The following PCGF5 variants were observed in gnomAD, a reference collection of about 807,000 sequenced individuals.
PCGF5 encodes the protein polycomb group RING finger protein 5.
In PCGF5, 9 loss-of-function variants were observed where a neutral mutation model predicts 44.3. The ratio of observed to expected loss-of-function variants is 0.20; its 90% CI spans 0.12 to 0.35. The LOEUF is 0.35. Ranked by LOEUF, PCGF5 falls within the 10% of genes least tolerant of loss-of-function variation. PCGF5 has a pLI of 1.00. For missense variants in PCGF5, 146 were observed against 305.3 expected (o/e 0.48, Z 3.89); for synonymous variants, 95 against 102.5 (o/e 0.93, Z 0.44).
intron 1 of PCGF5, among the ~76,000 whole-genome samples, chr10:91,200,815 A>G (rs916229522): frequency 2.6e-5 from 4 of 152,124 alleles, no homozygotes; most frequent in African/African-American, 9.7e-5. Context: ...TATAGAACCC[A>G]ATTCATAAGG....
rs1205608777 is a variant in PCGF5, at chr10:91,280,969, C to G, written c.*2653C>G. 3 of 152,252 alleles carry G rather than the reference C, an allele frequency of 2.0e-5. No homozygotes were observed. The highest frequency in any genetic ancestry group is 2.1e-4 in the South Asian group (1 of 4,822). 9.4% of individuals were successfully genotyped at this position (152,252 alleles called of 1,614,324 possible). A position where few individuals can be genotyped will look rare whatever the true frequency, so the allele number is the denominator to read the frequency against. ...TTTCTTAAGCAATAAACTGAAAGAC[C>G]TTTACTTCCATAAAAGATTTTGTTA... On this transcript the variant is annotated 3_prime_UTR_variant, in exon 10 of 10. Transcript: ENST00000336126.
At chr10:91,218,148 T>C (rs2133265055), upstream of PCGF5, among the ~76,000 whole-genome samples, 1 of 152,310 alleles carries the variant, frequency 6.6e-6, no homozygotes, top group East Asian at 1.9e-4. Context: ...TCTCAAGAGG[T>C]ATTAAAGAAA....
At position 91,281,936 on chromosome 10, in the gene PCGF5, T is replaced by C. The variant is rs964079857; in HGVS notation, c.*3620T>C. On this transcript the variant is annotated 3_prime_UTR_variant, in exon 10 of 10. Coordinates refer to ENST00000336126, the MANE Select transcript of PCGF5 (RefSeq NM_032373.5). ...CTGCATGAAAAGTGAGAGAAATACA[T>C]ACTTTGAAAAGAAAGTTCAGATTTT... 1 of 152,212 alleles carries C rather than the reference T, an allele frequency of 6.6e-6. No homozygotes were observed. Among genetic ancestry groups the C allele is most frequent in the Non-Finnish European group, 1.5e-5 (1 of 68,028 alleles). The allele number at this position is 152,212 out of a possible 1,614,324, so 9.4% of individuals were successfully genotyped here.
chr10:91,265,323 T>C (rs1041797262), intron 8 of PCGF5, among the ~76,000 whole-genome samples: 1 of 152,156 alleles, frequency 6.6e-6, no homozygotes, highest in African/African-American at 2.4e-5. Flanking sequence ...CTAAGGAATA[T>C]AGCAGTAATG....
chr10:91,272,261 G>A (rs961498863), intron 9 of PCGF5, among the ~76,000 whole-genome samples: 1 of 152,206 alleles, frequency 6.6e-6, no homozygotes, highest in African/African-American at 2.4e-5. Context: ...TTGGGAAACA[G>A]ACAAGGGTAT....
chr10:91,189,297 T>C (rs549937264), intron 1 of PCGF5, among the ~76,000 whole-genome samples: 20 of 152,322 alleles, frequency 1.3e-4, no homozygotes, highest in African/African-American at 4.6e-4. Context: ...TCCCCATTTT[T>C]CCATGCCATG....
chr10:91,171,848 C>T (rs549710256), intron 1 of PCGF5, among the ~76,000 whole-genome samples: 10 of 152,154 alleles, frequency 6.6e-5, no homozygotes, highest in South Asian at 6.2e-4. Flanking sequence ...GGTAGAAGAT[C>T]ATTGGTCTTC....
At chr10:91,220,565 T>A (rs977330908), upstream of PCGF5, 2 of 147,732 alleles carry the variant, frequency 1.4e-5, no homozygotes, top group African/African-American at 5.0e-5. Flanking sequence ...GGCGGGGGCG[T>A]GGCCGGGCGG....
At chr10:91,233,027 A>G (rs189199762) in intron 2 of PCGF5, among the ~76,000 whole-genome samples, 124 of 152,248 alleles carry the variant, frequency 8.1e-4, no homozygotes, top group Admixed American at 1.3e-3. Context: ...AGTTAGATAG[A>G]GTTAGCCAGG....
chr10:91,169,355 C>A (rs1010078290), intron 1 of PCGF5, among the ~76,000 whole-genome samples: 2 of 152,056 alleles, frequency 1.3e-5, no homozygotes, highest in African/African-American at 4.8e-5. Context: ...TTGAAGATGA[C>A]ATGATTGTTT....
chr10:91,169,762 A>G (rs1843570625), intron 1 of PCGF5, among the ~76,000 whole-genome samples: 1 of 152,228 alleles, frequency 6.6e-6, no homozygotes, highest in African/African-American at 2.4e-5. Context: ...TTTTGTAGAT[A>G]TTGGCAAACT....
chr10:91,261,022 C>G (rs1845896496), intron 6 of PCGF5, among the ~76,000 whole-genome samples: 2 of 146,896 alleles, frequency 1.4e-5, no homozygotes, highest in Admixed American at 1.3e-4. Context: ...CTTTTTGTGA[C>G]CTTTTTTTCT....
chr10:91,162,491 G>C (rs1025930625), upstream of PCGF5, among the ~76,000 whole-genome samples: 2 of 151,644 alleles, frequency 1.3e-5, no homozygotes, highest in South Asian at 2.1e-4. Flanking sequence ...CTCCGTCTGT[G>C]GGGGGAGAAG....
At chr10:91,196,306 A>G (rs1324394462) in intron 1 of PCGF5, among the ~76,000 whole-genome samples, 1 of 152,220 alleles carries the variant, frequency 6.6e-6, no homozygotes, top group East Asian at 1.9e-4. Context: ...ATTTTGGCCA[A>G]TAAACCATAA....
intron 1 of PCGF5, among the ~76,000 whole-genome samples, chr10:91,178,395 C>CTTTTT (rs5786943): frequency 1.4e-5 from 2 of 143,542 alleles, no homozygotes; most frequent in African/African-American, 5.1e-5. Flanking sequence ...CTTTTCTTTT[C>CTTTTT]TTTTTTTTTT....
rs139708758 is a variant in PCGF5 at position 91,172,387 on chromosome 10, C to G, written c.-184+9306C>G. On this transcript the variant is annotated intron_variant, in intron 1 of 9. Coordinates refer to the PCGF5 transcript ENST00000614189. ...TAAGCTGGGATTGTGCCACTGCACTCCAGCCTGTGCCACAGAATGAAACTC... is the reference window on the plus strand; with the variant it reads ...TAAGCTGGGATTGTGCCACTGCACTGCAGCCTGTGCCACAGAATGAAACTC... 2.0e-4 allele frequency among the ~76,000 whole-genome samples: 31 copies of G among 151,862 alleles called. No homozygotes were observed. The East Asian group carries it at 6.0e-3, about 29-fold the overall frequency.
At chr10:91,190,124 T>C (rs1271625739) in intron 1 of PCGF5, among the ~76,000 whole-genome samples, 1 of 152,238 alleles carries the variant, frequency 6.6e-6, no homozygotes, top group East Asian at 1.9e-4. Context: ...GATTGGTCTC[T>C]GGTGAGGACC....
At position 91,182,131 on chromosome 10, in the gene PCGF5, G is replaced by A. The variant is rs118000158; in HGVS notation, c.-184+19050G>A. Among the ~76,000 whole-genome samples, 821 of 151,584 alleles carry A rather than the reference G, an allele frequency of 5.4e-3. 16 individuals carry two copies. Among genetic ancestry groups the A allele is most frequent in the East Asian group, 0.051 (262 of 5,158 alleles). On this transcript the variant is annotated intron_variant, in intron 1 of 9. Coordinates refer to the PCGF5 transcript ENST00000614189. ...TTGTTTGTATTTCTGTGAGGTCAGC[G>A]GTAATGTCCCCCTTATCATTTCTGA...
chr10:91,233,306 G>A (rs1845061324), intron 2 of PCGF5, among the ~76,000 whole-genome samples: 2 of 152,048 alleles, frequency 1.3e-5, no homozygotes, highest in African/African-American at 4.8e-5. Context: ...AAGGTCTGCT[G>A]GCTTGCTCAG....
Sources: allele counts gnomAD v4.1 joint callset (sites outside exome capture counted in the v4.1 genomes callset), GRCh38; gene constraint gnomAD v4.1.1; transcripts MANE v1.5; gene names NCBI Gene and HGNC (gene_info 2026-07-23, HGNC 2026-07-21).